The following TMEM232 variants were observed in gnomAD, a reference collection of about 807,000 sequenced individuals.
TMEM232 encodes the protein transmembrane protein 232.
TMEM232 carries 80 observed loss-of-function variants against 78.8 expected under a neutral mutation model. The ratio of observed to expected loss-of-function variants is 1.01; its 90% CI spans 0.85 to 1.22. TMEM232 has a LOEUF of 1.22. Ranked by LOEUF, TMEM232 falls within the 50% of genes most tolerant of loss-of-function variation. The pLI, the probability that TMEM232 is intolerant of heterozygous loss-of-function variation, is 0.00. For synonymous variants in TMEM232, 297 were observed against 254.3 expected (o/e 1.17, Z -1.60); for missense variants, 881 against 742.2 (o/e 1.19, Z -2.17).
At chr5:110,456,109 G>A (rs1165385763) in intron 12 of TMEM232, among the ~76,000 whole-genome samples, 1 of 152,040 alleles carries the variant, frequency 6.6e-6, no homozygotes, top group Non-Finnish European at 1.5e-5. Flanking sequence ...GAAGTTCATA[G>A]GTTTATCTTT....
At chr5:110,614,154 T>C (rs1479732071) in intron 8 of TMEM232, among the ~76,000 whole-genome samples, 2 of 152,130 alleles carry the variant, frequency 1.3e-5, no homozygotes, top group African/African-American at 4.8e-5. Context: ...ACTTTACTCT[T>C]CTGTTCATTG....
At position 110,528,835 on chromosome 5, in the gene TMEM232, C is replaced by T. The variant is rs6894728; in HGVS notation, c.1456G>A (p.Ala486Thr). 1.8e-3 allele frequency: 2,544 copies of T among 1,421,626 alleles called. 39 individuals carry two copies. The African/African-American group carries it at 0.032, about 18-fold the overall frequency. The allele number at this position is 1,421,626 out of a possible 1,614,324, so 88.1% of individuals were successfully genotyped here. A position where few individuals can be genotyped will look rare whatever the true frequency, so the allele number is the denominator to read the frequency against. ...GGATCAGTTGGGTCATTTAACTCAG[C>T]CTGTTGAAAGAAAAGAGAAAGGAAT... Reference protein sequence around the residue: ...RIQNAINIAQAELNDPTDPFT... With the variant: ...RIQNAINIAQTELNDPTDPFT... Residue 486 changes from alanine (A) to threonine (T), a missense_variant and splice_region_variant, in exon 12 of 14, where the codon GCT (alanine) becomes ACT (threonine). Ala to Thr is a moderately conservative substitution (Grantham distance 58). Transcript: ENST00000455884.
intron 1 of TMEM232, among the ~76,000 whole-genome samples, chr5:110,722,801 T>C (rs1370776785): frequency 2.0e-5 from 3 of 152,186 alleles, no homozygotes; most frequent in African/African-American, 7.2e-5. Context: ...ATAGTACTTT[T>C]TATATGCTTG....
At chr5:110,695,079 G>C (rs576797496) in intron 1 of TMEM232, among the ~76,000 whole-genome samples, 207 of 152,220 alleles carry the variant, frequency 1.4e-3, no homozygotes, top group African/African-American at 4.8e-3. Flanking sequence ...AAATGTAAAA[G>C]AACAGAAATT....
At chr5:110,552,179 G>C (rs893382180) in intron 11 of TMEM232, among the ~76,000 whole-genome samples, 5 of 152,070 alleles carry the variant, frequency 3.3e-5, no homozygotes, top group African/African-American at 1.2e-4. Flanking sequence ...GAATTTTCAA[G>C]TAAGTGGTAA....
rs544372806 is a variant in TMEM232 at position 110,521,113 on chromosome 5, G to C, written c.1703+7475C>G. 2.6e-5 allele frequency among the ~76,000 whole-genome samples: 4 copies of C among 152,050 alleles called. No homozygotes were observed. In the East Asian group the frequency reaches 7.8e-4, roughly 30 times the overall value. Reference sequence around the variant, plus strand: ...CCTAGTATGTCTAAGGCCTTGTTGTGGGCTGCCAGCTGGGGCACTGATTCT... The same window carrying C: ...CCTAGTATGTCTAAGGCCTTGTTGTCGGCTGCCAGCTGGGGCACTGATTCT... On this transcript the variant is annotated intron_variant, in intron 12 of 13. Coordinates refer to ENST00000455884, the MANE Select transcript of TMEM232 (RefSeq NM_001039763.4).
At chr5:110,686,733 T>C (rs1465601310) in intron 1 of TMEM232, among the ~76,000 whole-genome samples, 2 of 151,928 alleles carry the variant, frequency 1.3e-5, no homozygotes, top group Non-Finnish European at 2.9e-5. Context: ...ATAACAGAAA[T>C]AAAAATAAGG....
At chr5:110,571,906 C>T (rs1361003146) in intron 10 of TMEM232, among the ~76,000 whole-genome samples, 1 of 151,902 alleles carries the variant, frequency 6.6e-6, no homozygotes, top group Non-Finnish European at 1.5e-5. Context: ...GTTATGTCTG[C>T]TCAATGCAAT....
chr5:110,728,871 T>C (rs1798407802), upstream of TMEM232, among the ~76,000 whole-genome samples: 1 of 146,648 alleles, frequency 6.8e-6, no homozygotes, highest in South Asian at 2.1e-4. Context: ...TTTTTACCAG[T>C]CTTTTTTATT....
At chr5:110,651,143 A>T (rs1038616660) in intron 2 of TMEM232, among the ~76,000 whole-genome samples, 1 of 152,132 alleles carries the variant, frequency 6.6e-6, no homozygotes, top group Non-Finnish European at 1.5e-5. Context: ...GTGAATCAAA[A>T]CCTGATAGGC....
At chr5:110,670,156 A>G (rs575369908) in intron 1 of TMEM232, among the ~76,000 whole-genome samples, 1 of 152,324 alleles carries the variant, frequency 6.6e-6, no homozygotes, top group Non-Finnish European at 1.5e-5. Context: ...AGAAAGAAAT[A>G]AAGGGTATTC....
At chr5:110,620,632 TCTCTCTC>T in intron 7 of TMEM232, among the ~76,000 whole-genome samples, 4 of 85,996 alleles carry the variant, frequency 4.7e-5, no homozygotes, top group Non-Finnish European at 7.1e-5. Flanking sequence ...TCTCTCTCTC[TCTCTCTC>T]CTCTCTCCTC....
At chr5:110,402,941 C>T (rs1203145951) in intron 2 of TMEM232, among the ~76,000 whole-genome samples, 2 of 152,074 alleles carry the variant, frequency 1.3e-5, no homozygotes, top group African/African-American at 4.8e-5. Context: ...ACTACAGAAG[C>T]TGTTCACTAT....
chr5:110,691,766 G>T (rs1350387185), intron 1 of TMEM232, among the ~76,000 whole-genome samples: 4 of 152,116 alleles, frequency 2.6e-5, no homozygotes, highest in Non-Finnish European at 5.9e-5. Context: ...CCACATATTT[G>T]CTTTATCTTA....
At chr5:110,460,611 T>C (rs912785874) in intron 12 of TMEM232, among the ~76,000 whole-genome samples, 5 of 152,104 alleles carry the variant, frequency 3.3e-5, no homozygotes, top group African/African-American at 1.2e-4. Context: ...TATACTACTA[T>C]AGGCATATTT....
chr5:110,541,512 T>A (rs1014752437), intron 11 of TMEM232, among the ~76,000 whole-genome samples: 2 of 152,150 alleles, frequency 1.3e-5, no homozygotes, highest in Non-Finnish European at 2.9e-5. Context: ...TCCAAAGTGA[T>A]AAAGGCATGT....
At chr5:110,570,815 T>C (rs572824293) in intron 10 of TMEM232, among the ~76,000 whole-genome samples, 2 of 152,132 alleles carry the variant, frequency 1.3e-5, no homozygotes, top group Non-Finnish European at 1.5e-5. Flanking sequence ...GATTGCCATT[T>C]GTCCCTATGT....
At chr5:110,685,843 G>A (rs934850798) in intron 1 of TMEM232, among the ~76,000 whole-genome samples, 1 of 152,022 alleles carries the variant, frequency 6.6e-6, no homozygotes, top group African/African-American at 2.4e-5. Flanking sequence ...TACAAGCAAC[G>A]ACATGCATAA....
At chr5:110,717,909 T>A (rs1309873949) in intron 1 of TMEM232, among the ~76,000 whole-genome samples, 1 of 152,142 alleles carries the variant, frequency 6.6e-6, no homozygotes, top group Admixed American at 6.6e-5. Flanking sequence ...CTTTCCTTTA[T>A]AAATTACCCA....
Sources: allele counts gnomAD v4.1 joint callset (sites outside exome capture counted in the v4.1 genomes callset), GRCh38; gene constraint gnomAD v4.1.1; transcripts MANE v1.5; gene names NCBI Gene and HGNC (gene_info 2026-07-23, HGNC 2026-07-21).